GPC6: variants seen among roughly 807,000 people sequenced by gnomAD.
The protein encoded by GPC6 is glypican-6.
A neutral mutation model predicts 55.2 loss-of-function variants in GPC6; 14 were observed. The observed-to-expected ratio is 0.25, with a 90% CI of 0.17 to 0.40. The LOEUF is 0.40. Ranked by LOEUF, GPC6 falls within the 10% of genes least tolerant of loss-of-function variation. GPC6 has a pLI of 1.00. For missense variants in GPC6, 641 were observed against 708.5 expected (o/e 0.90, Z 1.08); for synonymous variants, 278 against 259.6 (o/e 1.07, Z -0.68).
chr13:93,763,605 C>T (rs776209050), intron 2 of GPC6, among the ~76,000 whole-genome samples: 1 of 152,186 alleles, frequency 6.6e-6, no homozygotes, highest in Non-Finnish European at 1.5e-5. Flanking sequence ...CAAAGACATC[C>T]TGGACAACTG....
chr13:93,824,640 C>A (rs7317037), intron 2 of GPC6, among the ~76,000 whole-genome samples: 50,481 of 151,578 alleles, frequency 0.33, 8,855 homozygotes, highest in African/African-American at 0.44. Context: ...TACACATGAA[C>A]TTGGAGCATG....
At chr13:94,307,943 C>T (rs1365034562) in intron 6 of GPC6, among the ~76,000 whole-genome samples, 1 of 151,882 alleles carries the variant, frequency 6.6e-6, no homozygotes, top group Non-Finnish European at 1.5e-5. Flanking sequence ...TGAATAAGTT[C>T]TAAAGATCTG....
chr13:94,016,270 C>A (rs1289408731), intron 3 of GPC6, among the ~76,000 whole-genome samples: 1 of 152,038 alleles, frequency 6.6e-6, no homozygotes, highest in Non-Finnish European at 1.5e-5. Flanking sequence ...CATATTTTTT[C>A]TCATTCATTC....
intron 6 of GPC6, among the ~76,000 whole-genome samples, chr13:94,317,907 A>C (rs1166589416): frequency 6.6e-6 from 1 of 151,740 alleles, no homozygotes; most frequent in East Asian, 1.9e-4. Context: ...ATTACTCTCC[A>C]CTCTTTGTGC....
intron 1 of GPC6, among the ~76,000 whole-genome samples, chr13:93,511,018 G>T (rs1880949428): frequency 3.8e-5 from 1 of 26,514 alleles, no homozygotes; most frequent in African/African-American, 8.4e-5. Context: ...CATGTCCTTT[G>T]GCCATTTTTT....
intron 4 of GPC6, among the ~76,000 whole-genome samples, chr13:94,153,233 C>T (rs534452969): frequency 6.6e-6 from 1 of 152,010 alleles, no homozygotes; most frequent in Admixed American, 6.6e-5. Flanking sequence ...GCTCTTCATG[C>T]GAGTCAGATT....
At chr13:93,552,088 A>G (rs950266729) in intron 2 of GPC6, among the ~76,000 whole-genome samples, 2 of 152,182 alleles carry the variant, frequency 1.3e-5, no homozygotes, top group Non-Finnish European at 2.9e-5. Flanking sequence ...AATTAGCTGA[A>G]TGCCTTCTGT....
chr13:93,861,252 C>T (rs1479426236), intron 3 of GPC6, among the ~76,000 whole-genome samples: 1 of 151,112 alleles, frequency 6.6e-6, no homozygotes, highest in Admixed American at 6.6e-5. Context: ...GTATAAATTT[C>T]ATGAAGATTT....
chr13:93,439,982 C>G (rs1877727147), intron 1 of GPC6, among the ~76,000 whole-genome samples: 1 of 152,186 alleles, frequency 6.6e-6, no homozygotes, highest in South Asian at 2.1e-4. Flanking sequence ...AACTCCAGAA[C>G]TGCTTAGTAC....
intron 1 of GPC6, among the ~76,000 whole-genome samples, chr13:93,298,878 A>AC (rs1333002024): frequency 3.0e-4 from 44 of 149,090 alleles, no homozygotes; most frequent in Non-Finnish European, 3.0e-5. Context: ...CGTTGGTACC[A>AC]CAGTAGCACT....
intron 1 of GPC6, among the ~76,000 whole-genome samples, chr13:93,287,164 C>T (rs961802886): frequency 2.0e-5 from 3 of 152,008 alleles, no homozygotes; most frequent in African/African-American, 7.3e-5. Flanking sequence ...TGTCTGAAAC[C>T]TTGGGTCCAC....
chr13:94,355,118 G>A (rs1208519654), intron 6 of GPC6, among the ~76,000 whole-genome samples: 1 of 151,604 alleles, frequency 6.6e-6, no homozygotes, highest in Admixed American at 6.6e-5. Context: ...CTGCCTCCCA[G>A]ATTGAAGCTA....
intron 2 of GPC6, among the ~76,000 whole-genome samples, chr13:93,674,102 T>C (rs1463195961): frequency 1.3e-5 from 2 of 151,912 alleles, no homozygotes; most frequent in African/African-American, 2.4e-5. Flanking sequence ...ACCACGTAAA[T>C]GGTGGAAAAT....
intron 3 of GPC6, among the ~76,000 whole-genome samples, chr13:93,912,529 G>A (rs1284120683): frequency 2.6e-5 from 4 of 152,176 alleles, no homozygotes; most frequent in East Asian, 1.9e-4. Flanking sequence ...GGATCACAAG[G>A]TCAGGAGATC....
intron 3 of GPC6, among the ~76,000 whole-genome samples, chr13:93,864,073 A>G (rs1430498994): frequency 2.6e-5 from 4 of 151,566 alleles, no homozygotes; most frequent in Non-Finnish European, 3.0e-5. Flanking sequence ...AAATTTCCTT[A>G]ATTTTCTCTT....
chr13:94,137,897 A>G (rs1429043082), intron 4 of GPC6, among the ~76,000 whole-genome samples: 1 of 152,222 alleles, frequency 6.6e-6, no homozygotes, highest in Non-Finnish European at 1.5e-5. Flanking sequence ...AGGATAGGCT[A>G]GAAATTGCAT....
intron 4 of GPC6, among the ~76,000 whole-genome samples, chr13:94,054,115 G>A (rs1030421717): frequency 5.3e-5 from 8 of 152,124 alleles, no homozygotes; most frequent in South Asian, 2.1e-4. Flanking sequence ...TTCTGAGTCC[G>A]GATATAAGCT....
At chr13:93,922,074 G>A (rs1164827787) in intron 3 of GPC6, among the ~76,000 whole-genome samples, 1 of 152,042 alleles carries the variant, frequency 6.6e-6, no homozygotes, top group African/African-American at 2.4e-5. Flanking sequence ...ACATCAGAGG[G>A]ATCAAGAAAA....
Position 93,486,818 on chromosome 13 carries a change from G to A in GPC6, c.161-58445G>A, listed in dbSNP as rs183294766. On this transcript the variant is annotated intron_variant, in intron 1 of 8. Coordinates refer to ENST00000377047, the MANE Select transcript of GPC6 (RefSeq NM_005708.5). ...AAATTAGCTGGGTGTGGTGGCATGC[G>A]CCTGTAATCCCAGCTATTTGGGAGC... is the stretch of plus-strand genomic sequence containing the variant. Among the ~76,000 whole-genome samples, 651 of 151,958 alleles carry A rather than the reference G, an allele frequency of 4.3e-3. 2 individuals are homozygous for A. The highest frequency in any genetic ancestry group is 0.014 in the African/African-American group (594 of 41,438).
Sources: allele counts gnomAD v4.1 joint callset (sites outside exome capture counted in the v4.1 genomes callset), GRCh38; gene constraint gnomAD v4.1.1; transcripts MANE v1.5; gene names NCBI Gene and HGNC (gene_info 2026-07-23, HGNC 2026-07-21).